The following DPP6 variants were observed in gnomAD, a reference collection of about 807,000 sequenced individuals.
DPP6 encodes the protein dipeptidyl peptidase like 6.
DPP6 carries 69 observed loss-of-function variants against 122.6 expected under a neutral mutation model. That is an observed-to-expected ratio of 0.56 (90% confidence interval 0.46 to 0.69). The LOEUF (loss-of-function observed/expected upper bound fraction) is 0.69, where lower values mean the gene tolerates loss of function less well. DPP6 is among the 30% of genes least tolerant of loss of function. The pLI, the probability that DPP6 is intolerant of heterozygous loss-of-function variation, is 0.00. For missense variants in DPP6, 928 were observed against 1,116.9 expected (o/e 0.83, Z 2.41); for synonymous variants, 418 against 433.1 (o/e 0.97, Z 0.43).
intron 1 of DPP6, among the ~76,000 whole-genome samples, chr7:154,431,660 G>A (rs111227588): frequency 0.091 from 13,660 of 150,574 alleles, 818 homozygotes; most frequent in East Asian, 0.18. Flanking sequence ...TCAGCTTCCC[G>A]AGTAGCTGGG....
At chr7:154,164,217 C>G (rs1797124593) in intron 1 of DPP6, among the ~76,000 whole-genome samples, 1 of 148,904 alleles carries the variant, frequency 6.7e-6, no homozygotes, top group Admixed American at 6.7e-5. Flanking sequence ...CCTGCTGTCC[C>G]CTCCCCTTCC....
chr7:154,063,407 T>C lies in DPP6; in HGVS notation c.243+10344T>C, dbSNP rs1325640271. On this transcript the variant is annotated intron_variant, in intron 1 of 25. Transcript: ENST00000377770. ...GGTGGGGACTGAGAGCTATCCCCTCTTCCGCCCCTGGCTGTTGGTACCCCC... is the reference window on the plus strand; with the variant it reads ...GGTGGGGACTGAGAGCTATCCCCTCCTCCGCCCCTGGCTGTTGGTACCCCC... 7.0e-5 allele frequency among the ~76,000 whole-genome samples: 9 copies of C among 129,260 alleles called. 1 individual carries two copies. The highest frequency in any genetic ancestry group is 2.6e-4 in the African/African-American group (9 of 34,968). The allele number at this position is 129,260 out of a possible 152,430, so 84.8% of individuals were successfully genotyped here. A position where few individuals can be genotyped will look rare whatever the true frequency, so the allele number is the denominator to read the frequency against.
intron 5 of DPP6, chr7:154,587,876 CATGGAG>C: frequency 6.2e-7 from 1 of 1,612,886 alleles, no homozygotes; most frequent in Non-Finnish European, 8.5e-7. Context: ...TCAGATATTC[CATGGAG>C]ACCCTGGCTG....
intron 15 of DPP6, among the ~76,000 whole-genome samples, chr7:154,805,509 GA>G (rs11361731): frequency 0.27 from 40,939 of 151,652 alleles, 5,996 homozygotes; most frequent in Non-Finnish European, 0.33. Flanking sequence ...AATTTGATTA[GA>G]AAAAAAAGGT....
the DPP6 span, among the ~76,000 whole-genome samples, chr7:153,797,037 T>C: frequency 6.6e-6 from 1 of 152,144 alleles, no homozygotes; most frequent in African/African-American, 2.4e-5. Context: ...GGGGCCCACA[T>C]GACAAGGAAC....
intron 16 of DPP6, among the ~76,000 whole-genome samples, chr7:154,810,389 G>A (rs1006760285): frequency 2.0e-5 from 3 of 152,198 alleles, no homozygotes; most frequent in African/African-American, 7.2e-5. Context: ...CATGGAGCCC[G>A]TGGTAGATAG....
chr7:154,665,606 G>T (rs1838099364), intron 6 of DPP6, among the ~76,000 whole-genome samples: 1 of 151,910 alleles, frequency 6.6e-6, no homozygotes, highest in Admixed American at 6.6e-5. Flanking sequence ...TCTTTTACTG[G>T]GTGATGGTAT....
chr7:153,928,603 C>T (rs916557328), intron 1 of DPP6, among the ~76,000 whole-genome samples: 12 of 151,350 alleles, frequency 7.9e-5, no homozygotes, highest in African/African-American at 2.7e-4. Context: ...GTACAGGGGA[C>T]GAAGAAGATC....
intron 1 of DPP6, among the ~76,000 whole-genome samples, chr7:154,378,949 C>T (rs35801077): frequency 0.1 from 15,947 of 152,212 alleles, 1,024 homozygotes; most frequent in South Asian, 0.16. Context: ...AAACCACTTC[C>T]ATGATCCAAT....
the DPP6 span, among the ~76,000 whole-genome samples, chr7:153,851,675 G>T: frequency 6.6e-6 from 1 of 152,018 alleles, no homozygotes; most frequent in Admixed American, 6.6e-5. Context: ...AATATAAGTA[G>T]ATTTATTCTC....
chr7:154,636,420 C>T (rs112107569), intron 5 of DPP6, among the ~76,000 whole-genome samples: 2,602 of 152,264 alleles, frequency 0.017, 30 homozygotes, highest in Middle Eastern at 0.048. Context: ...CCACTCATCC[C>T]GGCAGAAATA....
At chr7:154,146,444 T>C (rs1227063531) in intron 1 of DPP6, among the ~76,000 whole-genome samples, 1 of 151,522 alleles carries the variant, frequency 6.6e-6, no homozygotes, top group Admixed American at 6.6e-5. Context: ...TTGCTTTAGC[T>C]GGAGATTCTT....
intron 8 of DPP6, among the ~76,000 whole-genome samples, chr7:154,754,145 A>C (rs1843541640): frequency 6.6e-6 from 1 of 152,214 alleles, no homozygotes; most frequent in South Asian, 2.1e-4. Flanking sequence ...AGAATATCTC[A>C]GTCCGATTAA....
intron 1 of DPP6, among the ~76,000 whole-genome samples, chr7:154,212,645 C>T (rs1799801670): frequency 6.6e-6 from 1 of 152,224 alleles, no homozygotes; most frequent in African/African-American, 2.4e-5. Context: ...TTCTTGGTCA[C>T]CTATTGTATA....
rs532263149 is a variant in DPP6, at chr7:154,206,487, C to T, written c.243+153424C>T. Among the ~76,000 whole-genome samples the T allele has an allele frequency of 5.3e-5, 8 of 152,280 alleles. No individual in the cohort carries two copies. The South Asian group carries it at 1.4e-3, about 28-fold the overall frequency. On this transcript the variant is annotated intron_variant, in intron 1 of 25. Transcript: ENST00000377770. ...TTGCTCATCGGGGGTCATAACAGCT[C>T]GCAAAGCAACCTTTTCACGTACCTG...
At chr7:154,193,924 G>C (rs559068660) in intron 1 of DPP6, among the ~76,000 whole-genome samples, 11 of 151,940 alleles carry the variant, frequency 7.2e-5, no homozygotes, top group African/African-American at 2.7e-4. Flanking sequence ...ACAGAAGCAG[G>C]CCTTTTTGAA....
At chr7:154,042,774 A>G (rs1585218729) in intron 1 of DPP6, among the ~76,000 whole-genome samples, 2 of 152,336 alleles carry the variant, frequency 1.3e-5, no homozygotes, top group South Asian at 4.1e-4. Flanking sequence ...TCAAAGACCA[A>G]CGACTTCAAT....
chr7:154,367,231 G>T (rs1812263304), intron 1 of DPP6, among the ~76,000 whole-genome samples: 1 of 152,150 alleles, frequency 6.6e-6, no homozygotes, highest in African/African-American at 2.4e-5. Flanking sequence ...CTAACTAAAA[G>T]GGAACTCATT....
rs1225414420 is a variant in DPP6 at position 154,035,683 on chromosome 7, T to C, written c.51+147949T>C. ...ACCCCTAGAAAAGCTATGTGGAAAA[T>C]GTAAAAGCATCAGGAAGCTCAAAGT... is the stretch of plus-strand genomic sequence containing the variant. On this transcript the variant is annotated intron_variant, in intron 1 of 25. Coordinates refer to the DPP6 transcript ENST00000404039. Among the ~76,000 whole-genome samples the C allele has an allele frequency of 1.7e-4, 26 of 152,008 alleles. No individual in the cohort carries two copies. The South Asian group carries it at 5.2e-3, about 30-fold the overall frequency.
Sources: gnomAD v4.1 joint callset for allele counts (sites outside exome capture counted in the v4.1 genomes callset) on GRCh38, gnomAD v4.1.1 for gene constraint, MANE v1.5 for transcripts, NCBI Gene and HGNC (gene_info 2026-07-23, HGNC 2026-07-21) for gene names.